The following PABIR2 variants were observed in gnomAD, a reference collection of about 807,000 sequenced individuals.
PABIR2 encodes the protein family with sequence similarity 122B.
PABIR2 carries 7 observed loss-of-function variants against 22.8 expected under a neutral mutation model. The ratio of observed to expected loss-of-function variants is 0.31; its 90% CI spans 0.17 to 0.58. The LOEUF is 0.58. Ranked by LOEUF, PABIR2 falls within the 20% of genes least tolerant of loss-of-function variation. The pLI is 0.89. For synonymous variants in PABIR2, 67 were observed against 73.8 expected (o/e 0.91, Z 0.47); for missense variants, 155 against 205.1 (o/e 0.76, Z 1.49).
At chrX:134,778,875 C>T (rs2079077474) in intron 9 of PABIR2, among the ~76,000 whole-genome samples, 1 of 109,842 alleles carries the variant, frequency 9.1e-6, no homozygotes, top group Non-Finnish European at 1.9e-5. Context: ...TGCAGTGGTG[C>T]GATCTCAGCT....
In PABIR2 at chrX:134,778,276, G is replaced by A. The variant is rs555866535; in HGVS notation, c.659+3545C>T. 8.0e-3 allele frequency among the ~76,000 whole-genome samples: 830 copies of A among 103,919 alleles called. 4 individuals are homozygous for A. The highest frequency in any genetic ancestry group is 0.019 in the South Asian group (41 of 2,200). 90.2% of individuals were successfully genotyped at this position (103,919 alleles called of 115,157 possible). ...TCCCAGCACTTTGAGAGGCCGAGGCGGGCGGATCACCTGAGGTCAGGAGTT... is the reference window on the plus strand; with the variant it reads ...TCCCAGCACTTTGAGAGGCCGAGGCAGGCGGATCACCTGAGGTCAGGAGTT... On this transcript the variant is annotated intron_variant, in intron 9 of 9. Coordinates refer to ENST00000343004, the MANE Select transcript of PABIR2 (RefSeq NM_001387468.1).
At chrX:134,772,694 A>G (rs1157852459) in intron 9 of PABIR2, among the ~76,000 whole-genome samples, 2 of 111,197 alleles carry the variant, frequency 1.8e-5, no homozygotes, top group Admixed American at 9.6e-5. Flanking sequence ...GTGTTCGATC[A>G]AGTACACTGC....
At chrX:134,779,729 GTA>G (rs1424926130) in intron 9 of PABIR2, among the ~76,000 whole-genome samples, 1 of 112,761 alleles carries the variant, frequency 8.9e-6, no homozygotes, top group Non-Finnish European at 1.9e-5. Flanking sequence ...ACCTCACCCT[GTA>G]TGTTTTTAGC....
chrX:134,788,037 G>A (rs1440578662), intron 6 of PABIR2, among the ~76,000 whole-genome samples: 1 of 106,140 alleles, frequency 9.4e-6, no homozygotes, highest in Non-Finnish European at 1.9e-5. Flanking sequence ...ATATATATAT[G>A]TAATATATAT....
chrX:134,772,325 C>A (rs2078855474), intron 9 of PABIR2, 42 bp from the exon 10 acceptor site: 1 of 1,122,755 alleles, frequency 8.9e-7, no homozygotes, highest in Admixed American at 2.5e-5. Context: ...ATGCAACTAT[C>A]AGGGTAAACA....
intron 9 of PABIR2, among the ~76,000 whole-genome samples, chrX:134,778,000 T>C (rs1383166446): frequency 1.0e-5 from 1 of 100,402 alleles, no homozygotes; most frequent in Non-Finnish European, 2.0e-5. Context: ...TTCAAGCAAT[T>C]CTCCTGCCTC....
chrX:134,779,578 C>T (rs1383392631), intron 9 of PABIR2, among the ~76,000 whole-genome samples: 1 of 111,785 alleles, frequency 8.9e-6, no homozygotes, highest in African/African-American at 3.3e-5. Context: ...TTAGGTTGTG[C>T]TGCTCGGAGG....
At chrX:134,781,684 C>A (rs1402286270) in intron 9 of PABIR2, 137 bp downstream of exon 9, 1 of 349,740 alleles carries the variant, frequency 2.9e-6, no homozygotes, top group East Asian at 4.9e-5. Flanking sequence ...GTCACATCCC[C>A]AAAATAATGA....
intron 2 of PABIR2, among the ~76,000 whole-genome samples, chrX:134,793,201 G>A (rs1472373602): frequency 9.0e-6 from 1 of 111,625 alleles, no homozygotes; most frequent in East Asian, 2.8e-4. Flanking sequence ...TGCCATTTAG[G>A]GATCTATCTT....
chrX:134,796,501 A>C lies in PABIR2; in HGVS notation c.-296T>G. 1 of 237,599 alleles carries C rather than the reference A, an allele frequency of 4.2e-6. No homozygotes were observed. The highest frequency in any genetic ancestry group is 7.6e-6 in the Non-Finnish European group (1 of 131,054). 19.6% of individuals were successfully genotyped at this position (237,599 alleles called of 1,213,427 possible). A position where few individuals can be genotyped will look rare whatever the true frequency, so the allele number is the denominator to read the frequency against. On this transcript the variant is annotated 5_prime_UTR_variant, in exon 1 of 10. Coordinates refer to ENST00000343004, the MANE Select transcript of PABIR2 (RefSeq NM_001387468.1). ...AAAAGGATGAAGGAAAGAAGGATGG[A>C]GGGAAAACAAGGATGGAGGGAGGAG...
chrX:134,777,823 CG>C (rs1449779028), intron 9 of PABIR2, among the ~76,000 whole-genome samples: 1 of 109,301 alleles, frequency 9.1e-6, no homozygotes, highest in Non-Finnish European at 1.9e-5. Context: ...GCAACAAAAG[CG>C]AGACTCCGTC....
At chrX:134,777,831 C>T (rs749065800) in intron 9 of PABIR2, among the ~76,000 whole-genome samples, 146 of 109,466 alleles carry the variant, frequency 1.3e-3, no homozygotes, top group African/African-American at 4.6e-3. Context: ...AGCGAGACTC[C>T]GTCTCAAATA....
intron 6 of PABIR2, among the ~76,000 whole-genome samples, chrX:134,788,194 C>T (rs1297037280): frequency 5.3e-5 from 3 of 56,912 alleles, no homozygotes; most frequent in African/African-American, 1.6e-4. Flanking sequence ...GTAATATATA[C>T]ACGTTATATA....
At chrX:134,791,721 T>A (rs920650132) in intron 2 of PABIR2, 19 of 322,966 alleles carry the variant, frequency 5.9e-5, no homozygotes, top group African/African-American at 3.5e-4. Context: ...CTGTCTTCTT[T>A]GTAAAGTAAG....
chrX:134,773,130 A>C lies in PABIR2; in HGVS notation c.660-847T>G, dbSNP rs1163337293. Reference sequence around the variant, plus strand: ...GTTCCCCAACCATCAACCTGGCCTGACTCATGAATCTGGCTCCATACTTCA... The same window carrying C: ...GTTCCCCAACCATCAACCTGGCCTGCCTCATGAATCTGGCTCCATACTTCA... On this transcript the variant is annotated intron_variant, in intron 9 of 9. Coordinates refer to ENST00000343004, the MANE Select transcript of PABIR2 (RefSeq NM_001387468.1). Among the ~76,000 whole-genome samples, 3 of 110,703 alleles carry C rather than the reference A, an allele frequency of 2.7e-5. No individual in the cohort carries two copies. In the East Asian group the frequency reaches 8.6e-4, roughly 32 times the overall value.
At chrX:134,774,643 A>G (rs984245250) in intron 9 of PABIR2, among the ~76,000 whole-genome samples, 3 of 109,987 alleles carry the variant, frequency 2.7e-5, no homozygotes, top group Non-Finnish European at 5.7e-5. Context: ...TGAGGAGCAG[A>G]AAAAAAAAGC....
intron 9 of PABIR2, among the ~76,000 whole-genome samples, chrX:134,777,187 T>G (rs934744044): frequency 9.8e-5 from 11 of 112,219 alleles, no homozygotes; most frequent in East Asian, 5.6e-4. Context: ...CTATCCCCAT[T>G]TCTAAGAATA....
chrX:134,794,413 C>T (rs1221464765), intron 1 of PABIR2, among the ~76,000 whole-genome samples: 1 of 111,681 alleles, frequency 9.0e-6, no homozygotes, highest in African/African-American at 3.3e-5. Context: ...GTTGCCCCTT[C>T]TGCCTCAAAT....
At chrX:134,796,019 T>C in intron 1 of PABIR2, 89 bp downstream of exon 1, 3 of 920,088 alleles carry the variant, frequency 3.3e-6, no homozygotes, top group Non-Finnish European at 4.6e-6. Context: ...CCAAATGAGC[T>C]CAAACGTGCA....
Sources: allele counts gnomAD v4.1 joint callset (sites outside exome capture counted in the v4.1 genomes callset), GRCh38; gene constraint gnomAD v4.1.1; transcripts MANE v1.5; gene names NCBI Gene and HGNC (gene_info 2026-07-23, HGNC 2026-07-21).